The following DDX55 variants were observed in gnomAD, a reference collection of about 807,000 sequenced individuals.
The protein encoded by DDX55 is ATP-dependent RNA helicase DDX55.
A neutral mutation model predicts 69.2 loss-of-function variants in DDX55; 56 were observed. That is an observed-to-expected ratio of 0.81 (90% CI 0.65 to 1.01). The LOEUF (loss-of-function observed/expected upper bound fraction) is 1.01, where lower values mean the gene tolerates loss of function less well. Ranked by LOEUF, DDX55 falls within the 50% of genes least tolerant of loss-of-function variation. The pLI is 0.00. For synonymous variants in DDX55, 268 were observed against 273.1 expected, an observed-to-expected ratio of 0.98 and a Z score of 0.18; for missense variants, 720 against 745.1, an observed-to-expected ratio of 0.97 and a Z score of 0.39.
rs556893119 is a variant in DDX55, at chr12:123,605,849, C to T, written c.109-82C>T. 112 of 1,586,102 alleles carry T rather than the reference C, an allele frequency of 7.1e-5. No homozygotes were observed. In the African/African-American group the frequency reaches 1.4e-3, roughly 20 times the overall value. On this transcript the variant is annotated intron_variant, in intron 1 of 13. Coordinates refer to ENST00000238146, the MANE Select transcript of DDX55 (RefSeq NM_020936.3). ...GTGGGACCCACTGTGACCTTAGCTG[C>T]CCATTATGTTCCTAGGGCTTCGGGT...
At chr12:123,617,661 C>T (rs1954778541) in intron 10 of DDX55, 97 bp from the exon 11 acceptor site, 1 of 1,116,216 alleles carries the variant, frequency 9.0e-7, no homozygotes, top group Non-Finnish European at 1.3e-6. Flanking sequence ...CTAGAGGCTC[C>T]CCAGAGCGTT....
intron 6 of DDX55, 102 bp from the exon 7 acceptor site, chr12:123,609,837 C>A: frequency 7.2e-7 from 1 of 1,392,808 alleles, no homozygotes. Context: ...ATTTTGATGG[C>A]TTCACTTTCA....
chr12:123,619,412 T>G lies in DDX55; in HGVS notation c.1334-20T>G. On this transcript the variant is annotated intron_variant, in intron 12 of 13. Transcript: ENST00000238146. ...CTAATCCTGTTGAGTGCGCTAACTC[T>G]GATCTTCTGATTGAATCAGATCTTG... 6.2e-7 allele frequency: 1 copy of G among 1,602,616 alleles called. No individual in the cohort carries two copies. Among genetic ancestry groups the G allele is most frequent in the Non-Finnish European group, 8.5e-7 (1 of 1,175,898 alleles).
chr12:123,616,686 T>C, intron 10 of DDX55, 83 bp downstream of exon 10: 1 of 1,380,994 alleles, frequency 7.2e-7, no homozygotes, highest in Admixed American at 1.7e-5. Context: ...AAACAGATAA[T>C]GATGTTCACT....
intron 7 of DDX55, 51 bp from the exon 8 acceptor site, chr12:123,613,119 G>T (rs1300712751): frequency 6.3e-7 from 1 of 1,577,846 alleles, no homozygotes; most frequent in Non-Finnish European, 8.7e-7. Context: ...TAGCCATGGG[G>T]ATTATTATTG....
intron 5 of DDX55, 145 bp downstream of exon 5, chr12:123,607,807 C>A: frequency 8.9e-7 from 1 of 1,128,572 alleles, no homozygotes; most frequent in Non-Finnish European, 1.3e-6. Context: ...GCCAGCTTCC[C>A]ATTGTGCTTT....
chr12:123,617,065 G>A (rs1191781461), intron 10 of DDX55, among the ~76,000 whole-genome samples: 1 of 152,158 alleles, frequency 6.6e-6, no homozygotes, highest in African/African-American at 2.4e-5. Flanking sequence ...CAGGAGAATC[G>A]CTTGAGCGCA....
At chr12:123,604,807 C>G (rs1336708454) in intron 1 of DDX55, 2 of 152,072 alleles carry the variant, frequency 1.3e-5, no homozygotes, top group Non-Finnish European at 2.9e-5. Flanking sequence ...CTTACTATGG[C>G]TATTAGAAAA....
At chr12:123,612,099 C>G (rs1264893906) in intron 7 of DDX55, among the ~76,000 whole-genome samples, 1 of 152,134 alleles carries the variant, frequency 6.6e-6, no homozygotes, top group East Asian at 1.9e-4. Flanking sequence ...AAATCTGAAG[C>G]TTTTTTGAGT....
chr12:123,607,472 T>C lies in DDX55; in HGVS notation c.287T>C (p.Ile96Thr). ...IIITPTRELAIQIDEVLSHFT... is the reference protein window; with the variant it reads ...IIITPTRELATQIDEVLSHFT... ...ATCACCCCCACTCGAGAGCTGGCCA[T>C]TCAAATAGACGAGGTCCTGTCGCAT... Residue 96 changes from isoleucine to threonine, a missense_variant, in exon 4 of 14, where the codon ATT becomes ACT. Physicochemically the swap from Ile to Thr is moderately conservative, Grantham distance 89. Transcript: ENST00000238146. 7 of 1,614,104 alleles carry C rather than the reference T, an allele frequency of 4.3e-6. No homozygotes were observed. The highest frequency in any genetic ancestry group is 5.9e-6 in the Non-Finnish European group (7 of 1,180,008).
rs374732639 is a variant in DDX55 at position 123,602,945 on chromosome 12, G to A, written c.108+689G>A. ...CTGAGACCTCAGTGATTGAGAAGGA[G>A]CTGGCTCTGAGGTGACTAGGGGGAG... On this transcript the variant is annotated intron_variant, in intron 1 of 13. Coordinates refer to ENST00000238146, the MANE Select transcript of DDX55 (RefSeq NM_020936.3). 3.9e-5 allele frequency among the ~76,000 whole-genome samples: 6 copies of A among 152,324 alleles called. No homozygotes were observed. In the South Asian group the frequency reaches 6.2e-4, roughly 16 times the overall value.
chr12:123,615,273 T>C lies in DDX55; in HGVS notation c.913T>C (p.Tyr305His). ...TATGTGCATTCACGGAAAGATGAAA[T>C]ATAAACGCAATAAGATCTTCATGGA... ...KIMCIHGKMK[Y>H]KRNKIFMEFR... Residue 305 changes from tyrosine to histidine, a missense_variant, in exon 9 of 14, where the codon TAT becomes CAT. Physicochemically the swap from Tyr to His is moderately conservative, Grantham distance 83 (BLOSUM62 2). Transcript: ENST00000238146. 6.2e-7 allele frequency: 1 copy of C among 1,614,092 alleles called. No homozygotes were observed. Among genetic ancestry groups the C allele is most frequent in the Non-Finnish European group, 8.5e-7 (1 of 1,179,984 alleles).
intron 3 of DDX55, among the ~76,000 whole-genome samples, chr12:123,606,987 A>G (rs1953931339): frequency 1.3e-5 from 2 of 152,184 alleles, no homozygotes; most frequent in Admixed American, 1.3e-4. Context: ...TGCAGAGAAA[A>G]TCCCTGTGCT....
At chr12:123,617,141 C>G (rs1400057742) in intron 10 of DDX55, among the ~76,000 whole-genome samples, 2 of 152,196 alleles carry the variant, frequency 1.3e-5, no homozygotes, top group Admixed American at 1.3e-4. Flanking sequence ...GAGACTCTGT[C>G]TCAAAACAAA....
intron 6 of DDX55, among the ~76,000 whole-genome samples, 181 bp downstream of exon 6, chr12:123,609,010 A>G (rs1954051491): frequency 6.6e-6 from 1 of 152,092 alleles, no homozygotes; most frequent in Admixed American, 6.5e-5. Context: ...GCTGGAGTGC[A>G]GTGGTGTGAT....
At chr12:123,612,495 T>C (rs944659257) in intron 7 of DDX55, among the ~76,000 whole-genome samples, 4 of 152,134 alleles carry the variant, frequency 2.6e-5, no homozygotes, top group African/African-American at 7.2e-5. Context: ...GGGGTCTGCG[T>C]CCATGGAGGC....
intron 8 of DDX55, among the ~76,000 whole-genome samples, chr12:123,614,596 G>A (rs1202433525): frequency 1.3e-5 from 2 of 152,200 alleles, no homozygotes; most frequent in African/African-American, 2.4e-5. Context: ...AGCTCCCAGG[G>A]AAGGAGGCTC....
rs1304842149 is a variant in DDX55, at chr12:123,602,119, G to T, written c.-30G>T. ...GGGGTGCACAAGGCGCGTTCGAGCA[G>T]CGGCGACCGACGCGGCGAAGGAGCG... On this transcript the variant is annotated 5_prime_UTR_variant, in exon 1 of 14. Transcript: ENST00000238146. 7 of 1,532,650 alleles carry T rather than the reference G, an allele frequency of 4.6e-6. No individual in the cohort carries two copies. Among genetic ancestry groups the T allele is most frequent in the Admixed American group, 2.0e-5 (1 of 50,570 alleles). The allele number at this position is 1,532,650 out of a possible 1,614,324, so 94.9% of individuals were successfully genotyped here.
In DDX55 at chr12:123,618,663, G is replaced by A; in HGVS notation, c.1165-6G>A. The stretch of plus-strand genomic sequence containing the variant: ...AGGTGAGAATGTGGTATGTGTGTGT[G>A]TGTAGTGCCCCCTGCAGGAGATGAA... On this transcript the variant is annotated splice_polypyrimidine_tract_variant and splice_region_variant and intron_variant, in intron 11 of 13. Transcript: ENST00000238146. 6.2e-7 allele frequency: 1 copy of A among 1,613,390 alleles called. No homozygotes were observed. The highest frequency in any genetic ancestry group is 2.2e-5 in the East Asian group (1 of 44,872).
Sources: allele counts gnomAD v4.1 joint callset (sites outside exome capture counted in the v4.1 genomes callset), GRCh38; gene constraint gnomAD v4.1.1; transcripts MANE v1.5; gene names NCBI Gene and HGNC (gene_info 2026-07-23, HGNC 2026-07-21).